GRIK3: variants seen among roughly 807,000 people sequenced by gnomAD.
GRIK3 encodes glutamate receptor ionotropic, kainate 3.
Under a neutral mutation model 102.5 loss-of-function variants are expected in GRIK3, and 29 were observed. The ratio of observed to expected loss-of-function variants is 0.28; its 90% confidence interval spans 0.21 to 0.39. GRIK3 has a LOEUF of 0.39. Ranked by LOEUF, GRIK3 falls within the 10% of genes least tolerant of loss-of-function variation. GRIK3 has a pLI of 1.00. For missense variants in GRIK3, 908 were observed against 1,252.4 expected, an observed-to-expected ratio of 0.73 and a Z score of 4.15; for synonymous variants, 511 against 504.9, an observed-to-expected ratio of 1.01 and a Z score of -0.16.
chr1:37,011,932 C>A (rs898218274), intron 1 of GRIK3, among the ~76,000 whole-genome samples: 1 of 152,072 alleles, frequency 6.6e-6, no homozygotes, highest in Admixed American at 6.5e-5. Flanking sequence ...TTTGGGGGGA[C>A]GTGGGCAGAT....
At chr1:36,978,197 G>T (rs1642214103) in intron 1 of GRIK3, among the ~76,000 whole-genome samples, 1 of 152,252 alleles carries the variant, frequency 6.6e-6, no homozygotes, top group Non-Finnish European at 1.5e-5. Context: ...ATTCATTTGT[G>T]AATGCTTAGC....
intron 1 of GRIK3, among the ~76,000 whole-genome samples, chr1:36,917,647 T>C (rs1194228750): frequency 1.3e-5 from 2 of 152,244 alleles, no homozygotes; most frequent in African/African-American, 2.4e-5. Flanking sequence ...CCACGTGAGA[T>C]GTGCCTTTCA....
rs57021623 is a variant in GRIK3 at position 36,941,914 on chromosome 1, C to T, written c.116-50818G>A. Among the ~76,000 whole-genome samples the T allele has an allele frequency of 1.2e-3, 187 of 152,310 alleles. 3 individuals are homozygous for T. The South Asian group carries it at 0.029, about 24-fold the overall frequency. ...CTCAGAATCCTGGAGACTAGGTAGC[C>T]TATCCCCCCCTCACCCTGCCTGTTT... On this transcript the variant is annotated intron_variant, in intron 1 of 15. Coordinates refer to ENST00000373091, the MANE Select transcript of GRIK3 (RefSeq NM_000831.4).
chr1:36,830,371 C>T (rs1263649623), intron 10 of GRIK3, among the ~76,000 whole-genome samples: 1 of 151,224 alleles, frequency 6.6e-6, no homozygotes, highest in Non-Finnish European at 1.5e-5. Context: ...CCCCCACCCC[C>T]AATTATGTGC....
intron 9 of GRIK3, 26 bp from the exon 10 acceptor site, chr1:36,841,965 G>A: frequency 6.3e-7 from 1 of 1,586,540 alleles, no homozygotes; most frequent in Non-Finnish European, 8.7e-7. Context: ...GGCAGGGTGT[G>A]ACGAAGACTG....
At chr1:37,017,751 C>T (rs113086186) in intron 1 of GRIK3, among the ~76,000 whole-genome samples, 1 of 152,194 alleles carries the variant, frequency 6.6e-6, no homozygotes, top group Admixed American at 6.5e-5. Flanking sequence ...TCTCTCCAAC[C>T]TCACTAGAGA....
intron 7 of GRIK3, among the ~76,000 whole-genome samples, chr1:36,856,460 A>G (rs1640653170): frequency 1.3e-5 from 2 of 152,098 alleles, no homozygotes; most frequent in South Asian, 4.1e-4. Flanking sequence ...CCGGCCTGGT[A>G]TTTTCCAGCT....
At chr1:36,929,707 T>A (rs192607448) in intron 1 of GRIK3, among the ~76,000 whole-genome samples, 87 of 152,304 alleles carry the variant, frequency 5.7e-4, no homozygotes, top group African/African-American at 1.8e-3. Flanking sequence ...ATTTCAGGGA[T>A]GGTGTATTAG....
chr1:36,830,414 C>G (rs1457682579), intron 10 of GRIK3, among the ~76,000 whole-genome samples: 4 of 151,070 alleles, frequency 2.6e-5, no homozygotes, highest in Non-Finnish European at 4.4e-5. Flanking sequence ...TGAGTATGAT[C>G]TTATTTGGAA....
At chr1:36,961,602 C>T (rs1642010066) in intron 1 of GRIK3, among the ~76,000 whole-genome samples, 1 of 152,226 alleles carries the variant, frequency 6.6e-6, no homozygotes, top group Non-Finnish European at 1.5e-5. Context: ...CTGTGGGCTT[C>T]AGGGCCTATC....
intron 3 of GRIK3, among the ~76,000 whole-genome samples, chr1:36,873,663 T>C (rs1640869224): frequency 6.7e-6 from 1 of 148,840 alleles, no homozygotes; most frequent in Non-Finnish European, 1.5e-5. Flanking sequence ...CTAATGGCAC[T>C]TCAATTTTCC....
chr1:37,008,380 C>T (rs987133485), intron 1 of GRIK3, among the ~76,000 whole-genome samples: 2 of 152,254 alleles, frequency 1.3e-5, no homozygotes, highest in African/African-American at 4.8e-5. Flanking sequence ...ATAAAGAAAT[C>T]GCCCAGGACA....
intron 13 of GRIK3, among the ~76,000 whole-genome samples, chr1:36,815,970 C>T (rs1455982318): frequency 2.6e-5 from 4 of 151,866 alleles, no homozygotes; most frequent in East Asian, 3.9e-4. Flanking sequence ...AGGCTGGTCT[C>T]GAACTCCTGA....
intron 2 of GRIK3, among the ~76,000 whole-genome samples, chr1:36,888,433 C>T (rs1641066414): frequency 6.6e-6 from 1 of 152,134 alleles, no homozygotes; most frequent in Non-Finnish European, 1.5e-5. Context: ...TGGTCTATAT[C>T]TTGATTTGGG....
At position 36,846,042 on chromosome 1, in the gene GRIK3, A is replaced by G. The variant is rs373270476; in HGVS notation, c.1327-4103T>C. 1.1e-3 allele frequency among the ~76,000 whole-genome samples: 167 copies of G among 152,386 alleles called. 3 individuals carry two copies. In the South Asian group the frequency reaches 0.014, roughly 12 times the overall value. On this transcript the variant is annotated intron_variant, in intron 9 of 15. Transcript: ENST00000373091. ...CCCACACCGTGACACCATGGCTCAC[A>G]TCGGCAGCCAAACGAGTCTTGAACC... is the stretch of plus-strand genomic sequence containing the variant.
Position 36,872,227 on chromosome 1 carries a change from G to C in GRIK3, c.693C>G (p.Phe231Leu). 1 of 1,611,016 alleles carries C rather than the reference G, an allele frequency of 6.2e-7. No individual in the cohort carries two copies. The highest frequency in any genetic ancestry group is 1.1e-5 in the South Asian group (1 of 90,418). Residue 231 changes from phenylalanine to leucine, a missense_variant, in exon 4 of 16, where the codon TTC (phenylalanine) becomes TTG (leucine). Phe to Leu is a conservative substitution (Grantham distance 22, BLOSUM62 0). Coordinates refer to ENST00000373091, the MANE Select transcript of GRIK3 (RefSeq NM_000831.4). The surrounding 1 kb of genome is among the most constrained non-coding windows in gnomAD (Gnocchi z 5.9). ...MKRGREFRIIFDCSHTMAAQI... is the reference protein window; with the variant it reads ...MKRGREFRIILDCSHTMAAQI... The stretch of plus-strand genomic sequence containing the variant: ...GGGCCGCCATAGTGTGGCTGCAGTC[G>C]AAGATAATGCGGAATTCCCGGCCTC...
chr1:36,986,449 TCCATCCATCCATCAGC>T (rs1557452911), intron 1 of GRIK3, among the ~76,000 whole-genome samples: 1 of 147,506 alleles, frequency 6.8e-6, no homozygotes. Context: ...CATCCATCCA[TCCATCCATCCATCAGC>T]CCATCCATCC....
chr1:36,863,707 T>G (rs1640752176), intron 5 of GRIK3, among the ~76,000 whole-genome samples: 1 of 152,206 alleles, frequency 6.6e-6, no homozygotes, highest in Admixed American at 6.5e-5. Context: ...CCTGTACACA[T>G]GCACAACAGA....
chr1:36,836,854 G>A (rs1271478050), intron 10 of GRIK3, among the ~76,000 whole-genome samples: 2 of 152,152 alleles, frequency 1.3e-5, no homozygotes, highest in Non-Finnish European at 2.9e-5. Flanking sequence ...CTCCGAGGGT[G>A]AAATTTGAGA....
Sources: gnomAD v4.1 joint callset for allele counts (sites outside exome capture counted in the v4.1 genomes callset) on GRCh38, gnomAD v4.1.1 for gene constraint, Gnocchi (gnomAD v3.1) non-coding constraint, MANE v1.5 for transcripts, NCBI Gene and HGNC (gene_info 2026-07-23, HGNC 2026-07-21) for gene names.